Variants in OPRM1 observed in about 807,000 individuals in gnomAD.
OPRM1 encodes the protein opioid receptor mu 1.
A neutral mutation model predicts 31.8 loss-of-function variants in OPRM1; 27 were observed. That is an observed-to-expected ratio of 0.85 (90% confidence interval 0.63 to 1.17). The LOEUF (loss-of-function observed/expected upper bound fraction) is 1.17, where lower values mean the gene tolerates loss of function less well. Among genes scored for constraint, OPRM1 ranks in the 50% most tolerant of loss-of-function variants. The pLI is 0.00. For missense variants in OPRM1, 536 were observed against 511.1 expected (o/e 1.05, Z -0.47); for synonymous variants, 196 against 189.9 (o/e 1.03, Z -0.26).
chr6:154,039,640 C>A lies in OPRM1; in HGVS notation c.96C>A (p.Val32=), dbSNP rs749117116. ...CAGCACCCAGCCCCGGTTCCTGGGT[C>A]AACTTGTCCCACTTAGATGGCAACC... is the stretch of plus-strand genomic sequence containing the variant. ...CSPAPSPGSW[V]NLSHLDGNLS... is the part of the protein sequence containing the mutation. The change falls in exon 1 of 4, where the codon GTC becomes GTA. Residue 32 remains valine (V), a synonymous_variant. Coordinates refer to ENST00000330432, the MANE Select transcript of OPRM1 (RefSeq NM_000914.5). The A allele has an allele frequency of 6.2e-7, 1 of 1,613,710 alleles. No homozygotes were observed. Among genetic ancestry groups the A allele is most frequent in the South Asian group, 1.1e-5 (1 of 91,060 alleles).
At chr6:154,153,490 C>G (rs1798598544) in intron 3 of OPRM1, among the ~76,000 whole-genome samples, 1 of 152,120 alleles carries the variant, frequency 6.6e-6, no homozygotes. Flanking sequence ...TCAAGACCAG[C>G]CTGCCCAACA....
chr6:154,201,394 T>C (rs1439689751), intron 3 of OPRM1, among the ~76,000 whole-genome samples: 1 of 152,218 alleles, frequency 6.6e-6, no homozygotes, highest in African/African-American at 2.4e-5. Context: ...CTTTCTTTAA[T>C]GTCCTATGTA....
At chr6:154,094,554 G>A (rs1583507731) in intron 3 of OPRM1, among the ~76,000 whole-genome samples, 1 of 152,182 alleles carries the variant, frequency 6.6e-6, no homozygotes, top group Non-Finnish European at 1.5e-5. Context: ...CTGCCCGATG[G>A]GCGGGTGGTC....
intron 3 of OPRM1, chr6:154,199,788 C>A (rs765856773): frequency 6.2e-7 from 1 of 1,614,218 alleles, no homozygotes; most frequent in Admixed American, 1.7e-5. Flanking sequence ...TCTGATGTGA[C>A]AAAACTGTTT....
exon 1 of OPRM1, chr6:154,010,509 G>T: frequency 6.5e-7 from 1 of 1,542,364 alleles, no homozygotes; most frequent in Non-Finnish European, 8.8e-7. Context: ...TTCCTGTAAA[G>T]AAAATGATGA....
chr6:154,108,157 G>A (rs1795889477), intron 3 of OPRM1: 5 of 500,296 alleles, frequency 1.0e-5, no homozygotes, highest in Non-Finnish European at 1.4e-5. Flanking sequence ...GCATCATAAA[G>A]GAAATTTTTT....
At chr6:154,019,895 G>C (rs1352301260) in intron 1 of OPRM1, among the ~76,000 whole-genome samples, 3 of 151,676 alleles carry the variant, frequency 2.0e-5, no homozygotes, top group Admixed American at 2.0e-4. Flanking sequence ...CACCGTGCTT[G>C]GCTAATTTTT....
At chr6:154,031,894 T>C (rs904909645) in intron 1 of OPRM1, among the ~76,000 whole-genome samples, 3 of 152,116 alleles carry the variant, frequency 2.0e-5, no homozygotes, top group Non-Finnish European at 4.4e-5. Flanking sequence ...AAACGGTGAG[T>C]ATCCAGAAAT....
intron 3 of OPRM1, among the ~76,000 whole-genome samples, chr6:154,175,833 T>A (rs188116919): frequency 4.1e-4 from 62 of 152,226 alleles, no homozygotes; most frequent in African/African-American, 1.4e-3. Context: ...GAGGCCAGCA[T>A]CATCCTGATA....
chr6:154,161,978 C>T (rs1215332164), intron 3 of OPRM1, among the ~76,000 whole-genome samples: 1 of 152,208 alleles, frequency 6.6e-6, no homozygotes, highest in Non-Finnish European at 1.5e-5. Flanking sequence ...CCTCTCTCAT[C>T]CTCACTCGCA....
intron 1 of OPRM1, among the ~76,000 whole-genome samples, chr6:154,025,426 A>G (rs986417405): frequency 6.6e-6 from 1 of 151,788 alleles, no homozygotes; most frequent in Admixed American, 6.6e-5. Flanking sequence ...TTATAGGTAA[A>G]GTGTGTTTAT....
At chr6:154,163,244 A>G (rs1376515097) in intron 3 of OPRM1, among the ~76,000 whole-genome samples, 2 of 152,016 alleles carry the variant, frequency 1.3e-5, no homozygotes, top group Admixed American at 1.3e-4. Context: ...TCCCCACTAC[A>G]TTACAGCTAC....
chr6:154,147,127 C>A (rs1465955867), intron 3 of OPRM1, among the ~76,000 whole-genome samples: 3 of 152,154 alleles, frequency 2.0e-5, no homozygotes, highest in Non-Finnish European at 4.4e-5. Flanking sequence ...AGCTGCTATT[C>A]AACCAGAGGT....
At chr6:154,104,873 T>C (rs1386889412) in intron 3 of OPRM1, among the ~76,000 whole-genome samples, 1 of 152,154 alleles carries the variant, frequency 6.6e-6, no homozygotes, top group Non-Finnish European at 1.5e-5. Flanking sequence ...TACCTATAAG[T>C]TGGGTAAATT....
chr6:154,083,898 C>T (rs998701028), intron 1 of OPRM1, among the ~76,000 whole-genome samples: 2 of 141,948 alleles, frequency 1.4e-5, no homozygotes, highest in South Asian at 4.8e-4. Flanking sequence ...GAGCCGAGAT[C>T]GCGCCACTGC....
chr6:154,122,789 T>C lies in OPRM1; in HGVS notation c.*4068T>C, dbSNP rs1797374455. Among the ~76,000 whole-genome samples, 1 of 152,184 alleles carries C rather than the reference T, an allele frequency of 6.6e-6. No individual in the cohort carries two copies. Among genetic ancestry groups the C allele is most frequent in the South Asian group, 2.1e-4 (1 of 4,832 alleles). On this transcript the variant is annotated 3_prime_UTR_variant, in exon 4 of 4. Coordinates refer to ENST00000330432, the MANE Select transcript of OPRM1 (RefSeq NM_000914.5). Reference sequence around the variant, plus strand: ...CAGTAGACAGATGAGTCAAGTTCAATTTAATGCAAACAATATTACTGTGTT... The same window carrying C: ...CAGTAGACAGATGAGTCAAGTTCAACTTAATGCAAACAATATTACTGTGTT...
At chr6:154,054,399 G>A (rs1249881025) in intron 1 of OPRM1, among the ~76,000 whole-genome samples, 5 of 138,770 alleles carry the variant, frequency 3.6e-5, no homozygotes, top group South Asian at 4.8e-4. Context: ...AAGGAAACCC[G>A]CCTAAGGTTA....
intron 3 of OPRM1, among the ~76,000 whole-genome samples, chr6:154,240,877 T>A (rs1415691599): frequency 6.6e-6 from 1 of 152,150 alleles, no homozygotes; most frequent in African/African-American, 2.4e-5. Context: ...CATTAAAGTC[T>A]CTGTAATATA....
chr6:154,069,153 T>C (rs1433593282), intron 1 of OPRM1, among the ~76,000 whole-genome samples: 2 of 152,226 alleles, frequency 1.3e-5, no homozygotes, highest in African/African-American at 4.8e-5. Flanking sequence ...ATTTTGAATG[T>C]TGTCTTTTCA....
Sources: gnomAD v4.1 joint callset for allele counts (sites outside exome capture counted in the v4.1 genomes callset) on GRCh38, gnomAD v4.1.1 for gene constraint, MANE v1.5 for transcripts, NCBI Gene and HGNC (gene_info 2026-07-23, HGNC 2026-07-21) for gene names.